Variants in FMN2 observed in about 807,000 individuals in gnomAD.
FMN2 encodes formin-2.
Under a neutral mutation model 142.3 loss-of-function variants are expected in FMN2, and 51 were observed. That is an observed-to-expected ratio of 0.36 (90% CI 0.29 to 0.45). The LOEUF (loss-of-function observed/expected upper bound fraction) is 0.45, where lower values mean the gene tolerates loss of function less well. Among genes scored for constraint, FMN2 ranks in the 20% least tolerant of loss-of-function variants. The probability of loss-of-function intolerance (pLI) is 1.00; values close to 1 mark genes in which losing one functional copy is unlikely to be tolerated. For missense variants in FMN2, 1,936 were observed against 2,122.8 expected (o/e 0.91, Z 1.73); for synonymous variants, 882 against 869.8 (o/e 1.01, Z -0.25).
intron 1 of FMN2, among the ~76,000 whole-genome samples, chr1:240,097,601 C>T (rs1661253413): frequency 6.6e-6 from 1 of 152,076 alleles, no homozygotes; most frequent in African/African-American, 2.4e-5. Flanking sequence ...GTGATCCGCC[C>T]GCCTCGGCCG....
intron 13 of FMN2, among the ~76,000 whole-genome samples, chr1:240,348,328 T>A (rs1671981435): frequency 6.6e-6 from 1 of 151,814 alleles, no homozygotes; most frequent in Non-Finnish European, 1.5e-5. Flanking sequence ...TTCAAGTGAT[T>A]CTCGTGACTC....
Position 240,206,834 on chromosome 1 carries a change from T to C in FMN2, c.2022T>C (p.Thr674=). 6.2e-7 allele frequency: 1 copy of C among 1,613,934 alleles called. No homozygotes were observed. Among genetic ancestry groups the C allele is most frequent in the Non-Finnish European group, 8.5e-7 (1 of 1,179,822 alleles). Residue 674 remains threonine (T), a synonymous_variant, in exon 5 of 18, where the codon ACT becomes ACC. Coordinates refer to ENST00000319653, the MANE Select transcript of FMN2 (RefSeq NM_020066.5). The part of the protein sequence containing the change: ...VVDMKSEGQA[T]VIQQLEQTIE... ...ACATGAAGTCTGAGGGACAGGCCAC[T>C]GTAATTCAGCAGCTGGAACAGACTA... is the stretch of plus-strand genomic sequence containing the variant.
intron 15 of FMN2, among the ~76,000 whole-genome samples, chr1:240,416,576 T>A (rs1674583411): frequency 6.6e-6 from 1 of 152,140 alleles, no homozygotes; most frequent in African/African-American, 2.4e-5. Context: ...CCAGCCTCCC[T>A]TTCCATTCTT....
chr1:240,379,639 C>T lies in FMN2; in HGVS notation c.4859-12872C>T, dbSNP rs190574713. 3.0e-3 allele frequency among the ~76,000 whole-genome samples: 456 copies of T among 152,134 alleles called. 2 individuals are homozygous for T. Among genetic ancestry groups the T allele is most frequent in the Non-Finnish European group, 5.3e-3 (361 of 68,000 alleles). Reference sequence around the variant, plus strand: ...GAAGGGCACTACACAGATCAGACTCCTATACTGCTTATTTTTCAGTATATG... The same window carrying T: ...GAAGGGCACTACACAGATCAGACTCTTATACTGCTTATTTTTCAGTATATG... On this transcript the variant is annotated intron_variant, in intron 14 of 17. Transcript: ENST00000319653.
intron 4 of FMN2, among the ~76,000 whole-genome samples, chr1:240,190,414 A>G (rs1054726361): frequency 3.9e-5 from 6 of 152,206 alleles, no homozygotes; most frequent in East Asian, 1.9e-4. Flanking sequence ...GATGATATGG[A>G]TATGTTTCAT....
intron 6 of FMN2, among the ~76,000 whole-genome samples, chr1:240,250,830 C>T (rs1668252673): frequency 6.6e-6 from 1 of 151,878 alleles, no homozygotes; most frequent in Non-Finnish European, 1.5e-5. Flanking sequence ...TGTATGTGTC[C>T]AGGAATTTAT....
rs56686860 is a variant in FMN2, at chr1:240,271,098, G to GTTT, written c.4153+13083_4153+13085dup. On this transcript the variant is annotated intron_variant, in intron 7 of 17. Coordinates refer to ENST00000319653, the MANE Select transcript of FMN2 (RefSeq NM_020066.5). ...ACCCCCCTAGGAACTTTCCACGATG[G>GTTT]TTTTTTTTTTTTTTTTTTTGTGACT... 8.8e-3 allele frequency among the ~76,000 whole-genome samples: 632 copies of GTTT among 72,226 alleles called. 51 individuals carry two copies. The highest frequency in any genetic ancestry group is 0.015 in the East Asian group (32 of 2,130). The allele number at this position is 72,226 out of a possible 152,430, so 47.4% of individuals were successfully genotyped here.
At chr1:240,178,237 TTGTCTTATTTTG>T (rs1665007383) in intron 3 of FMN2, 169 bp downstream of exon 3, 1 of 729,158 alleles carries the variant, frequency 1.4e-6, no homozygotes, top group South Asian at 3.7e-5. Flanking sequence ...GTTCCTTTTG[TTGTCTTATTTTG>T]TGTTATTGGC....
chr1:240,432,666 A>G (rs1221478543), intron 15 of FMN2, among the ~76,000 whole-genome samples: 18 of 151,818 alleles, frequency 1.2e-4, no homozygotes, highest in Non-Finnish European at 1.0e-4. Flanking sequence ...TGTATCCCGT[A>G]TATTTTGATA....
intron 2 of FMN2, among the ~76,000 whole-genome samples, chr1:240,142,204 A>C (rs1298364624): frequency 6.6e-6 from 1 of 152,118 alleles, no homozygotes; most frequent in Middle Eastern, 3.2e-3. Flanking sequence ...TGAGCTTCTC[A>C]TGGTCCCAGT....
intron 1 of FMN2, among the ~76,000 whole-genome samples, chr1:240,117,451 G>T (rs545837628): frequency 1.5e-4 from 23 of 152,320 alleles, no homozygotes; most frequent in Admixed American, 1.2e-3. Context: ...GGATGGCTGC[G>T]CCGAAACAGG....
At chr1:240,279,268 A>G (rs1448215859) in intron 7 of FMN2, among the ~76,000 whole-genome samples, 2 of 152,194 alleles carry the variant, frequency 1.3e-5, no homozygotes, top group African/African-American at 4.8e-5. Flanking sequence ...TTAATGAAAA[A>G]AAAATTCTGA....
intron 6 of FMN2, among the ~76,000 whole-genome samples, chr1:240,223,103 A>G (rs1473098657): frequency 6.6e-6 from 1 of 152,142 alleles, no homozygotes; most frequent in Non-Finnish European, 1.5e-5. Flanking sequence ...CCCATTCAGT[A>G]TGATATTGGC....
chr1:240,093,536 C>T lies in FMN2; in HGVS notation c.1427C>T (p.Ala476Val). 1.3e-6 allele frequency: 2 copies of T among 1,570,416 alleles called. No individual in the cohort carries two copies. Among genetic ancestry groups the T allele is most frequent in the African/African-American group, 1.4e-5 (1 of 72,348 alleles). Residue 476 changes from alanine (A) to valine (V), a missense_variant, in exon 1 of 18, where the codon GCG (alanine) becomes GTG (valine). This residue lies in a region of FMN2 where 751 missense variants were observed against 791.8 expected (regional missense o/e 0.95). Transcript: ENST00000319653. ...AKKHRADGGL[A>V]AGLSRSADWT... is the part of the protein sequence containing the mutation. ...AAGCACCGGGCCGACGGCGGCCTTGCGGCCGGCCTGAGCCGCTCGGCTGAC... is the reference window on the plus strand; with the variant it reads ...AAGCACCGGGCCGACGGCGGCCTTGTGGCCGGCCTGAGCCGCTCGGCTGAC...
rs530394226 is a variant in FMN2, at chr1:240,215,972, G to A, written c.4065+4737G>A. On this transcript the variant is annotated intron_variant, in intron 6 of 17. Coordinates refer to ENST00000319653, the MANE Select transcript of FMN2 (RefSeq NM_020066.5). ...GATCCGTCTACCTTGGCCTCCCAAA[G>A]TGCTGGGATTACAGGCATGAACCAC... Among the ~76,000 whole-genome samples the A allele has an allele frequency of 2.0e-5, 3 of 152,292 alleles. No homozygotes were observed. In the South Asian group the frequency reaches 6.2e-4, roughly 32 times the overall value.
intron 15 of FMN2, 140 bp from the exon 16 acceptor site, chr1:240,437,921 C>G (rs1675456888): frequency 1.0e-5 from 10 of 1,000,542 alleles, no homozygotes; most frequent in Non-Finnish European, 1.5e-5. Flanking sequence ...AAGAGAGCTA[C>G]TGTTGGTGCT....
chr1:240,195,872 A>T (rs1161395076), intron 4 of FMN2, among the ~76,000 whole-genome samples: 2 of 151,930 alleles, frequency 1.3e-5, no homozygotes, highest in African/African-American at 4.8e-5. Context: ...AATAAAAAAA[A>T]CAGCTGGCCA....
intron 16 of FMN2, among the ~76,000 whole-genome samples, chr1:240,471,440 A>G (rs1676805072): frequency 6.7e-6 from 1 of 150,358 alleles, no homozygotes; most frequent in Non-Finnish European, 1.5e-5. Flanking sequence ...CAGTGGTGCC[A>G]TCTCGGCTCA....
intron 15 of FMN2, among the ~76,000 whole-genome samples, chr1:240,422,987 T>C (rs1674823259): frequency 6.6e-6 from 1 of 152,202 alleles, no homozygotes; most frequent in South Asian, 2.1e-4. Flanking sequence ...AGTTGGCTGC[T>C]CTGAGGTCAC....
Sources: gnomAD v4.1 joint callset for allele counts (sites outside exome capture counted in the v4.1 genomes callset) on GRCh38, gnomAD v4.1.1 for gene constraint, gnomAD v4.1.1 regional missense constraint, MANE v1.5 for transcripts, NCBI Gene and HGNC (gene_info 2026-07-23, HGNC 2026-07-21) for gene names.